NKAIN2: variants seen among roughly 807,000 people sequenced by gnomAD.
NKAIN2 encodes sodium/potassium-transporting ATPase subunit beta-1-interacting protein 2.
In NKAIN2, 14 loss-of-function variants were observed where a neutral mutation model predicts 32.6. The ratio of observed to expected loss-of-function variants is 0.43; its 90% CI spans 0.28 to 0.67. The LOEUF is 0.67. NKAIN2 is among the 30% of genes least tolerant of loss of function. The pLI, the probability that NKAIN2 is intolerant of heterozygous loss-of-function variation, is 0.17. For missense variants in NKAIN2, 198 were observed against 258.3 expected (o/e 0.77, Z 1.60); for synonymous variants, 80 against 87.2 (o/e 0.92, Z 0.46).
chr6:124,295,524 T>A (rs1796011122), intron 2 of NKAIN2, among the ~76,000 whole-genome samples: 1 of 152,092 alleles, frequency 6.6e-6, no homozygotes, highest in Non-Finnish European at 1.5e-5. Context: ...ATAGAATAAA[T>A]GCTGACACTG....
chr6:124,452,223 C>T (rs1776139177), intron 3 of NKAIN2, among the ~76,000 whole-genome samples: 1 of 150,722 alleles, frequency 6.6e-6, no homozygotes, highest in Admixed American at 6.6e-5. Context: ...TGACGTAATC[C>T]TTCCTTTTTT....
chr6:124,155,859 T>A (rs1787957807), intron 1 of NKAIN2, among the ~76,000 whole-genome samples: 1 of 152,022 alleles, frequency 6.6e-6, no homozygotes, highest in African/African-American at 2.4e-5. Flanking sequence ...TGATCTCATT[T>A]CATATTGTTT....
intron 3 of NKAIN2, among the ~76,000 whole-genome samples, chr6:124,559,613 TG>T (rs1780610655): frequency 1.3e-5 from 2 of 152,272 alleles, no homozygotes; most frequent in South Asian, 2.1e-4. Context: ...TGATTCTCTT[TG>T]GCTAACAGAA....
rs373804912 is a variant in NKAIN2, at chr6:124,710,732, G to A, written c.474+52346G>A. 3.3e-3 allele frequency among the ~76,000 whole-genome samples: 483 copies of A among 146,368 alleles called. 1 individual carries two copies. Among genetic ancestry groups the A allele is most frequent in the African/African-American group, 8.8e-3 (348 of 39,692 alleles). The stretch of plus-strand genomic sequence containing the variant: ...TTTGAGCCTATGTGTGTCTCTGCAC[G>A]TGAGATGGGTTTCCTGAATACAGCA... On this transcript the variant is annotated intron_variant, in intron 4 of 6. Transcript: ENST00000368417.
chr6:124,530,563 C>G (rs1050144184), intron 3 of NKAIN2, among the ~76,000 whole-genome samples: 8 of 152,078 alleles, frequency 5.3e-5, no homozygotes, highest in African/African-American at 1.9e-4. Context: ...CCGAGCTGTG[C>G]AAGGGTCAAC....
chr6:124,429,907 G>C (rs551839386), intron 3 of NKAIN2, among the ~76,000 whole-genome samples: 1 of 152,100 alleles, frequency 6.6e-6, no homozygotes, highest in African/African-American at 2.4e-5. Flanking sequence ...GAAAGAATTA[G>C]CATCGGGGAC....
At chr6:124,550,721 T>C (rs188154884) in intron 3 of NKAIN2, among the ~76,000 whole-genome samples, 1 of 152,282 alleles carries the variant, frequency 6.6e-6, no homozygotes, top group African/African-American at 2.4e-5. Flanking sequence ...GAAGTGGTAA[T>C]AGGTTCCAGG....
chr6:124,641,823 G>A (rs1784005193), intron 3 of NKAIN2, among the ~76,000 whole-genome samples: 1 of 151,936 alleles, frequency 6.6e-6, no homozygotes, highest in African/African-American at 2.4e-5. Context: ...CCAAAGTGCT[G>A]GATTTACAGG....
At chr6:123,868,132 TGCTGGGATTACAG>T (rs1311325642) in intron 1 of NKAIN2, among the ~76,000 whole-genome samples, 2 of 152,142 alleles carry the variant, frequency 1.3e-5, no homozygotes, top group Non-Finnish European at 2.9e-5. Flanking sequence ...CCTCCCAAAG[TGCTGGGATTACAG>T]GCGTGAGCCA....
Position 124,355,356 on chromosome 6 carries a change from C to G in NKAIN2, c.273+9C>G. On this transcript the variant is annotated intron_variant, in intron 3 of 6. Transcript: ENST00000368417. ...CTGGGGACCTCTCAAAGGTAATTTA[C>G]ATCTAATTTGCCTGAGTCATCAGTA... 1 of 1,529,424 alleles carries G rather than the reference C, an allele frequency of 6.5e-7. No homozygotes were observed. Among genetic ancestry groups the G allele is most frequent in the South Asian group, 1.1e-5 (1 of 89,404 alleles). 94.7% of individuals were successfully genotyped at this position (1,529,424 alleles called of 1,614,324 possible).
chr6:124,159,642 A>T (rs1456536613), intron 1 of NKAIN2, among the ~76,000 whole-genome samples: 1 of 152,198 alleles, frequency 6.6e-6, no homozygotes, highest in Non-Finnish European at 1.5e-5. Flanking sequence ...AAGACAAAGA[A>T]AACTAAATTA....
At chr6:124,615,845 CTTGT>C (rs1294760836) in intron 3 of NKAIN2, among the ~76,000 whole-genome samples, 4 of 152,220 alleles carry the variant, frequency 2.6e-5, no homozygotes, top group East Asian at 1.9e-4. Context: ...TGTTCAATGA[CTTGT>C]TTCTCTGCCA....
At chr6:124,026,640 A>G (rs1319370288) in intron 1 of NKAIN2, among the ~76,000 whole-genome samples, 1 of 152,170 alleles carries the variant, frequency 6.6e-6, no homozygotes, top group East Asian at 1.9e-4. Flanking sequence ...TTCCTACTGA[A>G]CTATGCAGGC....
chr6:124,214,472 G>A (rs186189208), intron 1 of NKAIN2, among the ~76,000 whole-genome samples: 6 of 152,058 alleles, frequency 3.9e-5, no homozygotes, highest in African/African-American at 1.4e-4. Flanking sequence ...ACTTGTGGCG[G>A]GTGTGGTGGC....
At chr6:124,591,753 TTCTG>T (rs1157536378) in intron 3 of NKAIN2, among the ~76,000 whole-genome samples, 3 of 152,116 alleles carry the variant, frequency 2.0e-5, no homozygotes, top group Non-Finnish European at 4.4e-5. Context: ...CTTTCACATA[TTCTG>T]TGAATAATAT....
chr6:123,835,227 C>T (rs1224162735), intron 1 of NKAIN2, among the ~76,000 whole-genome samples: 1 of 152,150 alleles, frequency 6.6e-6, no homozygotes, highest in Non-Finnish European at 1.5e-5. Flanking sequence ...TGAATTATAT[C>T]ACAAAAATAG....
At chr6:124,572,076 T>C (rs572994716) in intron 3 of NKAIN2, among the ~76,000 whole-genome samples, 1 of 152,320 alleles carries the variant, frequency 6.6e-6, no homozygotes, top group Non-Finnish European at 1.5e-5. Flanking sequence ...CTCTACCCAG[T>C]GGCATAGATT....
intron 3 of NKAIN2, among the ~76,000 whole-genome samples, chr6:124,548,149 A>G (rs1235247331): frequency 6.6e-6 from 1 of 152,190 alleles, no homozygotes; most frequent in Non-Finnish European, 1.5e-5. Flanking sequence ...TCACCAAGGA[A>G]TTGATCTAGT....
intron 1 of NKAIN2, among the ~76,000 whole-genome samples, chr6:124,269,861 A>G (rs919559773): frequency 6.6e-6 from 1 of 151,996 alleles, no homozygotes; most frequent in Admixed American, 6.6e-5. Flanking sequence ...TCATCTCTTG[A>G]TTGGCCTTTA....
Sources: allele counts gnomAD v4.1 joint callset (sites outside exome capture counted in the v4.1 genomes callset), GRCh38; gene constraint gnomAD v4.1.1; transcripts MANE v1.5; gene names NCBI Gene and HGNC (gene_info 2026-07-23, HGNC 2026-07-21).